TIGAR: variants seen among roughly 807,000 people sequenced by gnomAD.
The protein encoded by TIGAR is fructose-2,6-bisphosphatase TIGAR.
TIGAR carries 7 observed loss-of-function variants against 17.9 expected under a neutral mutation model. The ratio of observed to expected loss-of-function variants is 0.39; its 90% CI spans 0.22 to 0.73. The LOEUF is 0.73. Ranked by LOEUF, TIGAR falls within the 30% of genes least tolerant of loss-of-function variation. The pLI is 0.42. For missense variants in TIGAR, 258 were observed against 327.4 expected (o/e 0.79, Z 1.64); for synonymous variants, 94 against 108.6 (o/e 0.87, Z 0.84).
At chr12:4,324,310 T>G (rs1449210756) in intron 1 of TIGAR, 1 of 709,780 alleles carries the variant, frequency 1.4e-6, no homozygotes, top group Non-Finnish European at 2.4e-6. Context: ...GGCAAAACCA[T>G]CCATTTAACT....
chr12:4,350,795 A>G (rs1316188930), intron 4 of TIGAR, among the ~76,000 whole-genome samples: 2 of 151,978 alleles, frequency 1.3e-5, no homozygotes, highest in Non-Finnish European at 2.9e-5. Flanking sequence ...AAAAAAGAAA[A>G]AAAAAGAAAT....
chr12:4,333,267 G>T (rs1485090978), intron 2 of TIGAR, among the ~76,000 whole-genome samples: 1 of 149,998 alleles, frequency 6.7e-6, no homozygotes, highest in Non-Finnish European at 1.5e-5. Flanking sequence ...CTAAATTTTG[G>T]CTCTTTTGAA....
chr12:4,352,303 T>C lies in TIGAR; in HGVS notation c.425T>C (p.Leu142Pro), dbSNP rs1363869468. ...GIDFFEFLCQ[L>P]ILKEADQKEQ... ...GACTTTTTTGAATTTCTTTGTCAACTAATCCTGAAAGAAGCGGATCAAAAA... is the reference window on the plus strand; with the variant it reads ...GACTTTTTTGAATTTCTTTGTCAACCAATCCTGAAAGAAGCGGATCAAAAA... Residue 142 changes from leucine to proline, a missense_variant, in exon 6 of 6, where the codon CTA becomes CCA. Transcript: ENST00000179259. 1 of 1,613,758 alleles carries C rather than the reference T, an allele frequency of 6.2e-7. No individual in the cohort carries two copies. Among genetic ancestry groups the C allele is most frequent in the South Asian group, 1.1e-5 (1 of 91,066 alleles).
intron 3 of TIGAR, among the ~76,000 whole-genome samples, chr12:4,346,598 C>T (rs1026713697): frequency 1.3e-5 from 2 of 151,410 alleles, no homozygotes; most frequent in African/African-American, 4.9e-5. Context: ...CACACCAGGG[C>T]CTGTTGTGGG....
chr12:4,344,485 T>C (rs1161844163), intron 3 of TIGAR, among the ~76,000 whole-genome samples: 3 of 152,204 alleles, frequency 2.0e-5, no homozygotes, highest in African/African-American at 4.8e-5. Context: ...AATAAAATAC[T>C]GGCAAACCGA....
At chr12:4,349,584 A>AT (rs1329207266) in intron 3 of TIGAR, among the ~76,000 whole-genome samples, 5 of 151,892 alleles carry the variant, frequency 3.3e-5, no homozygotes, top group African/African-American at 1.2e-4. Context: ...CATCCGGCTA[A>AT]TTTTTTGTAT....
chr12:4,330,373 A>G (rs548934994), intron 1 of TIGAR, among the ~76,000 whole-genome samples: 1 of 152,342 alleles, frequency 6.6e-6, no homozygotes, highest in African/African-American at 2.4e-5. Flanking sequence ...ACACCACACT[A>G]CAGGGTGGTG....
chr12:4,322,935 C>G (rs1864496382), intron 1 of TIGAR, among the ~76,000 whole-genome samples: 1 of 152,048 alleles, frequency 6.6e-6, no homozygotes, highest in Non-Finnish European at 1.5e-5. Flanking sequence ...AGTGCACTTT[C>G]TAGACGCCTG....
rs911663414 is a variant in TIGAR at position 4,357,517 on chromosome 12, C to G, written c.*4826C>G. ...TAAATGTTGCTTTTTACCCCTCTTT[C>G]TTTGGGCCCCATCAATTTGGAAGTA... On this transcript the variant is annotated 3_prime_UTR_variant, in exon 6 of 6. Coordinates refer to ENST00000179259, the MANE Select transcript of TIGAR (RefSeq NM_020375.3). Among the ~76,000 whole-genome samples, 1 of 152,140 alleles carries G rather than the reference C, an allele frequency of 6.6e-6. No homozygotes were observed. The highest frequency in any genetic ancestry group is 2.4e-5 in the African/African-American group (1 of 41,428).
chr12:4,321,454 C>T lies in TIGAR; in HGVS notation c.32+151C>T, dbSNP rs1325686703. On this transcript the variant is annotated intron_variant, in intron 1 of 5. Coordinates refer to ENST00000179259, the MANE Select transcript of TIGAR (RefSeq NM_020375.3). The surrounding 1 kb of genome is among the most constrained non-coding windows in gnomAD (Gnocchi z 5.2). ...GGAAGCGCTTTTTCCGGGGCGCTTG[C>T]CCTGGGGCCGTCCCGTGTCGCCCCT... 6.2e-6 allele frequency: 7 copies of T among 1,128,020 alleles called. No homozygotes were observed. Among genetic ancestry groups the T allele is most frequent in the Non-Finnish European group, 1.3e-6 (1 of 797,838 alleles). The allele number at this position is 1,128,020 out of a possible 1,614,324, so 69.9% of individuals were successfully genotyped here. A position where few individuals can be genotyped will look rare whatever the true frequency, so the allele number is the denominator to read the frequency against.
At chr12:4,327,704 C>T (rs1207439687) in intron 1 of TIGAR, among the ~76,000 whole-genome samples, 1 of 152,118 alleles carries the variant, frequency 6.6e-6, no homozygotes, top group Non-Finnish European at 1.5e-5. Context: ...GAGGATGTTA[C>T]TTGTTTTGTT....
In TIGAR at chr12:4,358,125, T is replaced by G. The variant is rs1864930098; in HGVS notation, c.*5434T>G. 1.5e-5 allele frequency among the ~76,000 whole-genome samples: 2 copies of G among 136,042 alleles called. No individual in the cohort carries two copies. The highest frequency in any genetic ancestry group is 2.4e-4 in the South Asian group (1 of 4,116). The allele number at this position is 136,042 out of a possible 152,430, so 89.2% of individuals were successfully genotyped here. On this transcript the variant is annotated 3_prime_UTR_variant, in exon 6 of 6. Transcript: ENST00000179259. Reference sequence around the variant, plus strand: ...TCTCAAAAAAAAAAAAAAAAAATCATTTGATAAATAATGGGCTGTGCATGG... The same window carrying G: ...TCTCAAAAAAAAAAAAAAAAAATCAGTTGATAAATAATGGGCTGTGCATGG...
intron 2 of TIGAR, among the ~76,000 whole-genome samples, chr12:4,336,623 G>A (rs111365893): frequency 6.6e-6 from 1 of 152,076 alleles, no homozygotes; most frequent in African/African-American, 2.4e-5. Context: ...GAGGGAGGAA[G>A]GAAAGAGGAA....
At chr12:4,344,687 A>G (rs1162949532) in intron 3 of TIGAR, among the ~76,000 whole-genome samples, 1 of 152,234 alleles carries the variant, frequency 6.6e-6, no homozygotes, top group Admixed American at 6.5e-5. Context: ...CCTTCATGCT[A>G]AAAACTCTCA....
At chr12:4,332,226 G>C (rs1291678116) in intron 2 of TIGAR, among the ~76,000 whole-genome samples, 1 of 145,132 alleles carries the variant, frequency 6.9e-6, no homozygotes, top group Non-Finnish European at 1.5e-5. Flanking sequence ...AGCATTCAAG[G>C]CTCATGTATT....
intron 1 of TIGAR, among the ~76,000 whole-genome samples, chr12:4,330,006 C>A (rs1455481581): frequency 6.6e-6 from 1 of 152,070 alleles, no homozygotes; most frequent in African/African-American, 2.4e-5. Context: ...CTAAAAGAAC[C>A]AGTCTTGTGT....
chr12:4,338,045 G>A (rs574736361), intron 3 of TIGAR, among the ~76,000 whole-genome samples: 2 of 152,210 alleles, frequency 1.3e-5, no homozygotes, highest in African/African-American at 2.4e-5. Context: ...CAGGAGAATC[G>A]CTTGAACACA....
Position 4,337,164 on chromosome 12 carries a change from CATTTATTT to C in TIGAR, c.192+17_192+24del. 6.3e-7 allele frequency: 1 copy of C among 1,594,500 alleles called. No individual in the cohort carries two copies. Among genetic ancestry groups the C allele is most frequent in the Non-Finnish European group, 8.6e-7 (1 of 1,164,600 alleles). On this transcript the variant is annotated splice_donor_5th_base_variant and intron_variant, in intron 3 of 5. Transcript: ENST00000179259. The stretch of plus-strand genomic sequence containing the variant: ...TGATCTCATGAGGACAAAGCAGGTA[CATTTATTT>C]ATTTATTTATTTTGAGACAGAGCGT...
In TIGAR at chr12:4,328,299, C is replaced by T. The variant is rs931516475; in HGVS notation, c.33-2981C>T. Among the ~76,000 whole-genome samples, 9 of 151,954 alleles carry T rather than the reference C, an allele frequency of 5.9e-5. 1 individual carries two copies. The East Asian group carries it at 1.6e-3, about 26-fold the overall frequency. On this transcript the variant is annotated intron_variant, in intron 1 of 5. Transcript: ENST00000179259. ...CTCCACCTCCTGGGTTCAAGTCATTCTCCTGCCTCAGCCTCCCGAATAGCT... is the reference window on the plus strand; with the variant it reads ...CTCCACCTCCTGGGTTCAAGTCATTTTCCTGCCTCAGCCTCCCGAATAGCT...
Sources: gnomAD v4.1 joint callset for allele counts (sites outside exome capture counted in the v4.1 genomes callset) on GRCh38, gnomAD v4.1.1 for gene constraint, Gnocchi (gnomAD v3.1) non-coding constraint, MANE v1.5 for transcripts, NCBI Gene and HGNC (gene_info 2026-07-23, HGNC 2026-07-21) for gene names.